SETD2: variants seen among roughly 807,000 people sequenced by gnomAD.
SETD2 encodes SET domain containing 2, histone lysine methyltransferase, also known as histone-lysine N-methyltransferase SETD2.
In SETD2, 31 loss-of-function variants were observed where a neutral mutation model predicts 242.1. The observed-to-expected ratio is 0.13, with a 90% CI of 0.10 to 0.17. The LOEUF (loss-of-function observed/expected upper bound fraction) is 0.17. Ranked by LOEUF, SETD2 falls within the 10% of genes least tolerant of loss-of-function variation. SETD2 has a pLI of 1.00. For missense variants in SETD2, 2,481 were observed against 3,046.3 expected (o/e 0.81, Z 4.37); for synonymous variants, 1,006 against 1,066.5 (o/e 0.94, Z 1.11).
At position 47,123,020 on chromosome 3, in the gene SETD2, A is replaced by G. The variant is rs755551165; in HGVS notation, c.1616T>C (p.Phe539Ser). The G allele has an allele frequency of 3.7e-6, 6 of 1,613,990 alleles. No homozygotes were observed. Among genetic ancestry groups the G allele is most frequent in the Non-Finnish European group, 5.1e-6 (6 of 1,179,964 alleles). Residue 539 changes from phenylalanine to serine, a missense_variant, in exon 3 of 21, where the codon TTC (phenylalanine) becomes TCC (serine). This residue lies in a region of SETD2 where 1,300 missense variants were observed against 1,259.2 expected (regional missense o/e 1.03). Coordinates refer to ENST00000409792, the MANE Select transcript of SETD2 (RefSeq NM_014159.7). The stretch of plus-strand genomic sequence containing the variant: ...CTTAGAATATGATGACCCTCGTCGG[A>G]ATCCCAGTTCATTAGGGGGAGAACA... ...RCCSPPNELG[F>S]RRGSSYSKHD...
intron 13 of SETD2, among the ~76,000 whole-genome samples, chr3:47,066,328 A>C (rs2040555616): frequency 6.6e-6 from 1 of 152,130 alleles, no homozygotes. Context: ...AACTGTGTAC[A>C]TACAGAATTT....
At chr3:47,148,943 G>A (rs138593237) in intron 1 of SETD2, among the ~76,000 whole-genome samples, 44 of 152,202 alleles carry the variant, frequency 2.9e-4, no homozygotes, top group African/African-American at 7.2e-4. Context: ...ACAGAAAAAC[G>A]GGCAGATCTG....
intron 1 of SETD2, among the ~76,000 whole-genome samples, chr3:47,142,178 CA>C (rs35114878): frequency 1.6e-4 from 25 of 152,086 alleles, no homozygotes; most frequent in African/African-American, 5.8e-4. Flanking sequence ...TATGCAGCTT[CA>C]AAAAGTTCTA....
chr3:47,146,316 G>T (rs912506026), intron 1 of SETD2, among the ~76,000 whole-genome samples: 1 of 152,086 alleles, frequency 6.6e-6, no homozygotes, highest in Non-Finnish European at 1.5e-5. Context: ...TTTAAAAAGA[G>T]AACGAGTGTC....
At chr3:47,117,156 C>T (rs563944609) in intron 3 of SETD2, among the ~76,000 whole-genome samples, 10 of 151,846 alleles carry the variant, frequency 6.6e-5, no homozygotes, top group South Asian at 2.1e-4. Flanking sequence ...TGATCCACTA[C>T]GCCTGGCTAG....
At chr3:47,118,803 C>CA (rs1244090965) in intron 3 of SETD2, among the ~76,000 whole-genome samples, 1 of 151,852 alleles carries the variant, frequency 6.6e-6, no homozygotes, top group Non-Finnish European at 1.5e-5. Flanking sequence ...AAAGAAAAGT[C>CA]AGAGAATTGG....
At chr3:47,139,052 G>C (rs939003808) in intron 1 of SETD2, among the ~76,000 whole-genome samples, 8 of 151,930 alleles carry the variant, frequency 5.3e-5, no homozygotes, top group South Asian at 2.1e-4. Context: ...TTGCAGCCTC[G>C]AACTCCTGGG....
At chr3:47,038,572 G>A (rs1322536002) in intron 17 of SETD2, among the ~76,000 whole-genome samples, 2 of 152,006 alleles carry the variant, frequency 1.3e-5, no homozygotes, top group East Asian at 3.9e-4. Flanking sequence ...CCAAGATCGT[G>A]CCATTGCACT....
chr3:47,048,317 A>G (rs2039624608), intron 15 of SETD2, among the ~76,000 whole-genome samples: 3 of 152,168 alleles, frequency 2.0e-5, no homozygotes, highest in Admixed American at 2.0e-4. Context: ...TGAACCCAGG[A>G]GGTAGAGGTT....
At chr3:47,099,408 A>G (rs945375846) in intron 8 of SETD2, among the ~76,000 whole-genome samples, 10 of 152,200 alleles carry the variant, frequency 6.6e-5, no homozygotes, top group African/African-American at 2.2e-4. Flanking sequence ...GTTTCTTAAT[A>G]ATCAGAAAGT....
chr3:47,066,405 T>C (rs1207574638), intron 13 of SETD2, among the ~76,000 whole-genome samples: 1 of 152,176 alleles, frequency 6.6e-6, no homozygotes, highest in African/African-American at 2.4e-5. Flanking sequence ...TGGAGTACAG[T>C]GGCACGATCA....
At chr3:47,032,807 T>C (rs943687538) in intron 18 of SETD2, among the ~76,000 whole-genome samples, 9 of 151,162 alleles carry the variant, frequency 6.0e-5, no homozygotes, top group Non-Finnish European at 3.0e-5. Flanking sequence ...AGCTACTCAG[T>C]AGGCTGAGGC....
intron 1 of SETD2, among the ~76,000 whole-genome samples, chr3:47,131,901 G>A (rs948326306): frequency 8.0e-5 from 12 of 150,138 alleles, no homozygotes; most frequent in Admixed American, 2.0e-4. Flanking sequence ...CCTCAGCCTC[G>A]CGAGTAGCTG....
In SETD2 at chr3:47,057,478, T is replaced by C. The variant is rs539146125; in HGVS notation, c.6306A>G (p.Pro2102=). The part of the protein sequence containing the change: ...TKRPDDRYDT[P]TSKKKVRIKD... ...TAATTCGTACTTTCTTTTTAGAAGT[T>C]GGTGTATCATATCTAGAAAGAAAAT... Residue 2102 remains proline, a synonymous_variant, in exon 15 of 21, where the codon CCA becomes CCG. Transcript: ENST00000409792. 62 of 1,613,688 alleles carry C rather than the reference T, an allele frequency of 3.8e-5. No homozygotes were observed. In the South Asian group the frequency reaches 6.5e-4, roughly 17 times the overall value.
intron 13 of SETD2, among the ~76,000 whole-genome samples, chr3:47,066,127 T>C (rs1322471454): frequency 1.3e-5 from 2 of 152,244 alleles, no homozygotes; most frequent in Non-Finnish European, 2.9e-5. Context: ...ACCTCTATGA[T>C]GATCTATTTC....
chr3:47,145,629 A>C, intron 1 of SETD2: 1 of 291,498 alleles, frequency 3.4e-6, no homozygotes, highest in South Asian at 3.0e-5. Context: ...TGTCAGCATT[A>C]AAAAAGTTTT....
intron 12 of SETD2, among the ~76,000 whole-genome samples, chr3:47,080,022 C>G (rs2041256406): frequency 6.6e-6 from 1 of 152,102 alleles, no homozygotes; most frequent in African/African-American, 2.4e-5. Flanking sequence ...CACAGAAATC[C>G]AGGAAACATA....
chr3:47,037,528 C>A (rs929128372), intron 18 of SETD2, 138 bp downstream of exon 18: 2 of 624,918 alleles, frequency 3.2e-6, no homozygotes, highest in Admixed American at 5.2e-5. Context: ...TTCTCCCTGA[C>A]TTCATCTCTA....
intron 4 of SETD2, 52 bp downstream of exon 4, chr3:47,116,571 G>A (rs2107727391): frequency 6.5e-7 from 1 of 1,536,278 alleles, no homozygotes; most frequent in Non-Finnish European, 8.8e-7. Flanking sequence ...TCAATATTTA[G>A]AGACATTTAA....
Sources: gnomAD v4.1 joint callset for allele counts (sites outside exome capture counted in the v4.1 genomes callset) on GRCh38, gnomAD v4.1.1 for gene constraint, gnomAD v4.1.1 regional missense constraint, MANE v1.5 for transcripts, NCBI Gene and HGNC (gene_info 2026-07-23, HGNC 2026-07-21) for gene names.